DNAH7: variants seen among roughly 807,000 people sequenced by gnomAD.
The protein encoded by DNAH7 is dynein axonemal heavy chain 7.
DNAH7 carries 397 observed loss-of-function variants against 444.6 expected under a neutral mutation model. The ratio of observed to expected loss-of-function variants is 0.89; its 90% CI spans 0.82 to 0.97. The LOEUF is 0.97. Among genes scored for constraint, DNAH7 ranks in the 50% least tolerant of loss-of-function variants. The pLI, the probability that DNAH7 is intolerant of heterozygous loss-of-function variation, is 0.00. For missense variants in DNAH7, 4,902 were observed against 4,800.8 expected (o/e 1.02, Z -0.62); for synonymous variants, 1,636 against 1,624.4 (o/e 1.01, Z -0.17).
intron 24 of DNAH7, among the ~76,000 whole-genome samples, chr2:195,915,728 C>T: frequency 6.6e-6 from 1 of 152,242 alleles, no homozygotes; most frequent in East Asian, 1.9e-4. Flanking sequence ...TCTCATTCCC[C>T]ATCTGCAACT....
At chr2:195,781,166 C>G (rs1409101056) in intron 58 of DNAH7, among the ~76,000 whole-genome samples, 2 of 152,158 alleles carry the variant, frequency 1.3e-5, no homozygotes, top group Admixed American at 1.3e-4. Context: ...GATACACACA[C>G]TGCCTGGGCT....
At chr2:195,948,488 C>T in intron 19 of DNAH7, among the ~76,000 whole-genome samples, 1 of 152,126 alleles carries the variant, frequency 6.6e-6, no homozygotes, top group Non-Finnish European at 1.5e-5. Context: ...AGGAAGGGGT[C>T]CAGTTTCAGT....
At chr2:195,762,021 A>T (rs1296599660) in intron 61 of DNAH7, among the ~76,000 whole-genome samples, 1 of 152,180 alleles carries the variant, frequency 6.6e-6, no homozygotes, top group Non-Finnish European at 1.5e-5. Context: ...AATAATAACT[A>T]CAACAACTTT....
intron 63 of DNAH7, 43 bp from the exon 64 acceptor site, chr2:195,740,912 C>A (rs1559062752): frequency 2.5e-6 from 3 of 1,210,852 alleles, no homozygotes; most frequent in South Asian, 1.9e-5. Flanking sequence ...TTGAAATATG[C>A]ATTTTGATTG....
Position 195,976,647 on chromosome 2 carries a change from G to A in DNAH7, c.1834-4181C>T, listed in dbSNP as rs141352827. Among the ~76,000 whole-genome samples, 251 of 152,124 alleles carry A rather than the reference G, an allele frequency of 1.6e-3. 1 individual carries two copies. Among genetic ancestry groups the A allele is most frequent in the African/African-American group, 5.9e-3 (244 of 41,512 alleles). The stretch of plus-strand genomic sequence containing the variant: ...CCAGTGTTGCACTGGCTTCAGTTCT[G>A]ACCAAGCACAGTCCCAGTGGTGATG... On this transcript the variant is annotated intron_variant, in intron 15 of 64. Transcript: ENST00000312428.
At chr2:195,930,977 T>C (rs1380779844) in intron 21 of DNAH7, among the ~76,000 whole-genome samples, 1 of 151,852 alleles carries the variant, frequency 6.6e-6, no homozygotes, top group Non-Finnish European at 1.5e-5. Flanking sequence ...AACTAAACCT[T>C]AGGTACTCAT....
chr2:195,795,709 G>A (rs1329614820), intron 56 of DNAH7: 1 of 152,338 alleles, frequency 6.6e-6, no homozygotes, highest in Non-Finnish European at 1.5e-5. Flanking sequence ...AGGCAGTGAA[G>A]ATATTGCTTG....
At chr2:195,924,340 C>T (rs1688203920) in intron 22 of DNAH7, among the ~76,000 whole-genome samples, 1 of 152,104 alleles carries the variant, frequency 6.6e-6, no homozygotes, top group African/African-American at 2.4e-5. Flanking sequence ...GCCTATAATC[C>T]CAGCACTTTG....
intron 49 of DNAH7, among the ~76,000 whole-genome samples, chr2:195,819,719 C>T (rs1697371000): frequency 6.6e-6 from 1 of 152,094 alleles, no homozygotes; most frequent in Non-Finnish European, 1.5e-5. Flanking sequence ...GCAAAAAGGA[C>T]TTCCCCCAAG....
intron 12 of DNAH7, 94 bp downstream of exon 12, chr2:196,000,610 T>G: frequency 9.4e-7 from 1 of 1,062,430 alleles, no homozygotes; most frequent in Non-Finnish European, 1.3e-6. Flanking sequence ...TTATATTCTG[T>G]GAAGCAGAGG....
chr2:195,878,693 C>T (rs763863447), intron 36 of DNAH7, among the ~76,000 whole-genome samples: 5 of 152,278 alleles, frequency 3.3e-5, no homozygotes, highest in Non-Finnish European at 7.4e-5. Flanking sequence ...CATCTAAAAA[C>T]AGAACTAAAT....
rs879305282 is a variant in DNAH7, at chr2:195,864,930, T to C, written c.6725A>G (p.Tyr2242Cys). The C allele has an allele frequency of 5.0e-6, 8 of 1,611,974 alleles. No individual in the cohort carries two copies. The highest frequency in any genetic ancestry group is 1.1e-5 in the South Asian group (1 of 91,082). ...YIQEILRNYM[Y>C]EDFHELFQRL... ...CTGAAAAAGCTCATGAAAATCTTCATACATGTAGTTTCTCAAAATTTCTTG... is the reference window on the plus strand; with the variant it reads ...CTGAAAAAGCTCATGAAAATCTTCACACATGTAGTTTCTCAAAATTTCTTG... The change falls in exon 41 of 65, where the codon TAT becomes TGT. Residue 2242 changes from tyrosine to cysteine, a missense_variant. By Grantham distance (194) the Tyr-to-Cys change is radical. Coordinates refer to ENST00000312428, the MANE Select transcript of DNAH7 (RefSeq NM_018897.3).
chr2:196,065,574 A>G (rs1164603027), intron 1 of DNAH7, among the ~76,000 whole-genome samples: 4 of 152,196 alleles, frequency 2.6e-5, no homozygotes, highest in Admixed American at 2.0e-4. Flanking sequence ...GACTTCTAAT[A>G]GGAATTATCC....
chr2:195,826,502 G>T (rs141256489), intron 48 of DNAH7, among the ~76,000 whole-genome samples: 201 of 152,244 alleles, frequency 1.3e-3, no homozygotes, highest in African/African-American at 4.8e-3. Context: ...TGGCTCCTTC[G>T]TCGCTCTCTT....
chr2:195,830,000 G>A (rs918424926), intron 48 of DNAH7, among the ~76,000 whole-genome samples: 1 of 151,818 alleles, frequency 6.6e-6, no homozygotes, highest in African/African-American at 2.4e-5. Flanking sequence ...AAAATGTATA[G>A]GTACATGAAT....
chr2:195,743,125 C>T (rs1693145661), intron 63 of DNAH7, among the ~76,000 whole-genome samples: 1 of 152,212 alleles, frequency 6.6e-6, no homozygotes, highest in Non-Finnish European at 1.5e-5. Context: ...TAAACATCAG[C>T]CTCCAAGTTC....
rs539205409 is a variant in DNAH7, at chr2:195,896,357, G to A, written c.4648-1133C>T. On this transcript the variant is annotated intron_variant, in intron 29 of 64. Transcript: ENST00000312428. ...CATTTTCTTATGTGTCTTTCAAAGA[G>A]TAGTTTTTTTTTTTCAATTTTGTCA... Among the ~76,000 whole-genome samples, 6 of 150,834 alleles carry A rather than the reference G, an allele frequency of 4.0e-5. No individual in the cohort carries two copies. In the East Asian group the frequency reaches 9.7e-4, roughly 24 times the overall value.
Position 196,026,798 on chromosome 2 carries a change from A to G in DNAH7, c.629T>C (p.Met210Thr), listed in dbSNP as rs779147579. ...TDSIVTLSDE[M>T]REDYLLSVRK... ...TACACTAAGAAGATAATCCTCTCTC[A>G]TTTCATCAGATAATGTAACTATGCT... Residue 210 changes from methionine to threonine, a missense_variant, in exon 7 of 65, where the codon ATG (methionine) becomes ACG (threonine). Transcript: ENST00000312428. 5.6e-6 allele frequency: 9 copies of G among 1,612,184 alleles called. No individual in the cohort carries two copies. The African/African-American group carries it at 1.1e-4, about 19-fold the overall frequency.
Position 195,950,868 on chromosome 2 carries a change from A to AAAAAAAAAAAC in DNAH7, c.3078+6392_3078+6393insGTTTTTTTTTT, listed in dbSNP as rs1559262901. ...CTCTGTCTCAAAAAAAAAAAAAAAA[A>AAAAAAAAAAAC]AAAAAAAAAAACCCAGCTCCTGGAT... On this transcript the variant is annotated intron_variant, in intron 19 of 64. Transcript: ENST00000312428. 5.0e-4 allele frequency among the ~76,000 whole-genome samples: 69 copies of AAAAAAAAAAAC among 138,236 alleles called. 3 individuals are homozygous for AAAAAAAAAAAC. The highest frequency in any genetic ancestry group is 9.5e-4 in the African/African-American group (33 of 34,864). The allele number at this position is 138,236 out of a possible 152,430, so 90.7% of individuals were successfully genotyped here. A position where few individuals can be genotyped will look rare whatever the true frequency, so the allele number is the denominator to read the frequency against.
Sources: gnomAD v4.1 joint callset for allele counts (sites outside exome capture counted in the v4.1 genomes callset) on GRCh38, gnomAD v4.1.1 for gene constraint, MANE v1.5 for transcripts, NCBI Gene and HGNC (gene_info 2026-07-23, HGNC 2026-07-21) for gene names.